The following CEP70 variants were observed in gnomAD, a reference collection of about 807,000 sequenced individuals.
CEP70 encodes centrosomal protein of 70 kDa.
CEP70 carries 70 observed loss-of-function variants against 90.9 expected under a neutral mutation model. The ratio of observed to expected loss-of-function variants is 0.77; its 90% CI spans 0.64 to 0.94. The LOEUF (loss-of-function observed/expected upper bound fraction) is 0.94. CEP70 is among the 40% of genes least tolerant of loss of function. The pLI is 0.00. For missense variants in CEP70, 648 were observed against 669.0 expected (o/e 0.97, Z 0.35); for synonymous variants, 220 against 228.3 (o/e 0.96, Z 0.33).
intron 6 of CEP70, among the ~76,000 whole-genome samples, chr3:138,541,253 A>T (rs1356308067): frequency 6.6e-6 from 1 of 152,242 alleles, no homozygotes; most frequent in Non-Finnish European, 1.5e-5. Flanking sequence ...GTACATTCTC[A>T]AAGTCAAGCA....
At chr3:138,498,338 CTTTTTT>C (rs200581423) in intron 16 of CEP70, among the ~76,000 whole-genome samples, 1 of 135,894 alleles carries the variant, frequency 7.4e-6, no homozygotes, top group Non-Finnish European at 1.6e-5. Context: ...ATATAACATT[CTTTTTT>C]TTTTTTTTTT....
intron 11 of CEP70, among the ~76,000 whole-genome samples, chr3:138,524,034 A>C (rs55947775): frequency 0.16 from 10,284 of 63,100 alleles, 1,477 homozygotes; most frequent in African/African-American, 0.32. Context: ...GATACATAGA[A>C]CAATGGAACA....
At chr3:138,573,626 G>A (rs536988084) in intron 2 of CEP70, among the ~76,000 whole-genome samples, 10 of 152,238 alleles carry the variant, frequency 6.6e-5, no homozygotes, top group South Asian at 2.1e-4. Context: ...ACTCCCTGAT[G>A]GAAAAGCAGA....
chr3:138,591,321 A>T (rs2042373406), intron 2 of CEP70, among the ~76,000 whole-genome samples: 2 of 152,154 alleles, frequency 1.3e-5, no homozygotes, highest in South Asian at 4.1e-4. Context: ...GTTTAGAGTT[A>T]CCCAACTCTA....
At chr3:138,555,780 A>T (rs1048320732) in intron 6 of CEP70, among the ~76,000 whole-genome samples, 2 of 152,212 alleles carry the variant, frequency 1.3e-5, no homozygotes, top group African/African-American at 4.8e-5. Context: ...GTTGGTGTGG[A>T]TGTGGTGAAA....
intron 11 of CEP70, among the ~76,000 whole-genome samples, chr3:138,522,197 T>G (rs1198247403): frequency 1.3e-5 from 2 of 151,606 alleles, no homozygotes; most frequent in Non-Finnish European, 2.9e-5. Flanking sequence ...TGTTCACATG[T>G]TTATCTGCTG....
chr3:138,515,852 T>TC (rs2035965627), intron 11 of CEP70, among the ~76,000 whole-genome samples: 1 of 152,206 alleles, frequency 6.6e-6, no homozygotes, highest in South Asian at 2.1e-4. Flanking sequence ...ATCCTCCTTC[T>TC]CCTAGTTGCT....
intron 2 of CEP70, among the ~76,000 whole-genome samples, chr3:138,575,112 G>C (rs747242111): frequency 6.6e-6 from 1 of 152,190 alleles, no homozygotes; most frequent in Non-Finnish European, 1.5e-5. Flanking sequence ...TTGACGAGTT[G>C]ACAGAAGTAG....
intron 6 of CEP70, among the ~76,000 whole-genome samples, chr3:138,567,852 T>A (rs2040893308): frequency 6.6e-6 from 1 of 152,166 alleles, no homozygotes; most frequent in Non-Finnish European, 1.5e-5. Context: ...CACTTGTTAG[T>A]TTTTTGTTAC....
At chr3:138,536,252 C>T (rs2038258418) in intron 7 of CEP70, among the ~76,000 whole-genome samples, 1 of 151,860 alleles carries the variant, frequency 6.6e-6, no homozygotes, top group Admixed American at 6.6e-5. Context: ...CATTTAAAAT[C>T]AATTACCTAT....
intron 6 of CEP70, among the ~76,000 whole-genome samples, chr3:138,558,630 A>G (rs1363835538): frequency 6.6e-6 from 1 of 152,222 alleles, no homozygotes; most frequent in Admixed American, 6.5e-5. Context: ...GGACTGAGGT[A>G]TATTTCAAAC....
At chr3:138,551,615 G>A (rs186063156) in intron 6 of CEP70, among the ~76,000 whole-genome samples, 29 of 151,954 alleles carry the variant, frequency 1.9e-4, no homozygotes, top group Admixed American at 9.8e-4. Flanking sequence ...GCATGTTGGC[G>A]TGTGTCTGTA....
intron 11 of CEP70, among the ~76,000 whole-genome samples, chr3:138,513,952 TA>T (rs34596838): frequency 4.5e-4 from 63 of 140,174 alleles, no homozygotes; most frequent in Admixed American, 7.2e-4. Flanking sequence ...ACTACAAATC[TA>T]AAAAAAAAAA....
chr3:138,543,900 AC>A (rs1560375881), intron 6 of CEP70, among the ~76,000 whole-genome samples: 1 of 152,086 alleles, frequency 6.6e-6, no homozygotes, highest in Non-Finnish European at 1.5e-5. Flanking sequence ...AACTGAGACA[AC>A]AAAAAGTCAT....
intron 6 of CEP70, among the ~76,000 whole-genome samples, chr3:138,568,647 T>G (rs534602475): frequency 6.6e-6 from 1 of 152,270 alleles, no homozygotes; most frequent in East Asian, 1.9e-4. Flanking sequence ...TAGAGAGATT[T>G]TATAAATATA....
At chr3:138,531,075 A>G (rs1163785363) in intron 8 of CEP70, among the ~76,000 whole-genome samples, 1 of 152,208 alleles carries the variant, frequency 6.6e-6, no homozygotes, top group East Asian at 1.9e-4. Context: ...ACCCAAGGAT[A>G]ATTTGTATAG....
intron 2 of CEP70, among the ~76,000 whole-genome samples, chr3:138,577,692 C>G (rs1346080771): frequency 6.6e-6 from 1 of 151,886 alleles, no homozygotes; most frequent in African/African-American, 2.4e-5. Flanking sequence ...AAGAGAAACA[C>G]AAGCAGACAA....
intron 2 of CEP70, among the ~76,000 whole-genome samples, chr3:138,591,413 G>A (rs2042377894): frequency 6.6e-6 from 1 of 151,846 alleles, no homozygotes; most frequent in Non-Finnish European, 1.5e-5. Context: ...AGCATTGCAG[G>A]TAAGGGATAC....
At chr3:138,556,044 A>C (rs1342387366) in intron 6 of CEP70, among the ~76,000 whole-genome samples, 1 of 152,248 alleles carries the variant, frequency 6.6e-6, no homozygotes, top group East Asian at 1.9e-4. Flanking sequence ...CAACAAGTGG[A>C]TAAAGAAACT....
Sources: allele counts gnomAD v4.1 joint callset (sites outside exome capture counted in the v4.1 genomes callset), GRCh38; gene constraint gnomAD v4.1.1; transcripts MANE v1.5; gene names NCBI Gene and HGNC (gene_info 2026-07-23, HGNC 2026-07-21).